ALDH1A2: variants seen among roughly 807,000 people sequenced by gnomAD.
The protein encoded by ALDH1A2 is aldehyde dehydrogenase 1 family member A2.
A neutral mutation model predicts 60.3 loss-of-function variants in ALDH1A2; 27 were observed. The ratio of observed to expected loss-of-function variants is 0.45; its 90% confidence interval spans 0.33 to 0.62. The LOEUF (loss-of-function observed/expected upper bound fraction) is 0.62. Among genes scored for constraint, ALDH1A2 ranks in the 20% least tolerant of loss-of-function variants. ALDH1A2 has a pLI of 0.02. For missense variants in ALDH1A2, 581 were observed against 643.8 expected, an observed-to-expected ratio of 0.90 and a Z score of 1.06; for synonymous variants, 289 against 232.4, an observed-to-expected ratio of 1.24 and a Z score of -2.21.
intron 1 of ALDH1A2, among the ~76,000 whole-genome samples, chr15:58,050,894 A>G (rs562184912): frequency 3.7e-4 from 57 of 152,194 alleles, no homozygotes; most frequent in Non-Finnish European, 7.8e-4. Flanking sequence ...CAAAGCAAAC[A>G]TCTATGCAAG....
intron 12 of ALDH1A2, 82 bp downstream of exon 12, chr15:57,960,688 A>T: frequency 8.2e-7 from 1 of 1,223,558 alleles, no homozygotes; most frequent in Non-Finnish European, 1.2e-6. Context: ...AGTGTAAGAT[A>T]ATTAAACTAT....
intron 1 of ALDH1A2, among the ~76,000 whole-genome samples, chr15:58,017,363 C>T (rs1895816193): frequency 6.6e-6 from 1 of 152,098 alleles, no homozygotes; most frequent in Non-Finnish European, 1.5e-5. Flanking sequence ...CTGGAACAGA[C>T]AGACATTATG....
chr15:58,018,582 A>C (rs1456088841), intron 1 of ALDH1A2, among the ~76,000 whole-genome samples: 1 of 152,180 alleles, frequency 6.6e-6, no homozygotes, highest in African/African-American at 2.4e-5. Context: ...ATTACAAAAG[A>C]AAAAATAGTA....
Position 57,953,600 on chromosome 15 carries a change from C to G in ALDH1A2, c.*1597G>C, listed in dbSNP as rs1470059047. On this transcript the variant is annotated 3_prime_UTR_variant, in exon 13 of 13. Coordinates refer to ENST00000249750, the MANE Select transcript of ALDH1A2 (RefSeq NM_003888.4). Reference sequence around the variant, plus strand: ...AGGGCAGCATTCACATGGAAGCACTCAGAAATACGGCATCTGTCAGGGCTC... The same window carrying G: ...AGGGCAGCATTCACATGGAAGCACTGAGAAATACGGCATCTGTCAGGGCTC... 2.0e-5 allele frequency: 3 copies of G among 152,706 alleles called. No homozygotes were observed. The highest frequency in any genetic ancestry group is 7.2e-5 in the African/African-American group (3 of 41,432). 9.5% of individuals were successfully genotyped at this position (152,706 alleles called of 1,614,324 possible).
At chr15:57,968,863 A>G (rs1343112220) in intron 7 of ALDH1A2, among the ~76,000 whole-genome samples, 7 of 152,236 alleles carry the variant, frequency 4.6e-5, no homozygotes, top group Admixed American at 4.6e-4. Flanking sequence ...TTTCATGGCT[A>G]TGGTAACTAT....
chr15:57,989,854 A>C (rs1160044286), intron 7 of ALDH1A2, among the ~76,000 whole-genome samples: 73 of 152,194 alleles, frequency 4.8e-4, no homozygotes, highest in Non-Finnish European at 2.2e-4. Flanking sequence ...ACAAAACCAT[A>C]AAAGTACTGA....
intron 7 of ALDH1A2, among the ~76,000 whole-genome samples, chr15:57,974,012 ATAGG>A (rs1894156228): frequency 6.6e-6 from 1 of 152,176 alleles, no homozygotes; most frequent in Non-Finnish European, 1.5e-5. Flanking sequence ...GGAAGATTGC[ATAGG>A]TAGTTGTTAA....
intron 1 of ALDH1A2, among the ~76,000 whole-genome samples, chr15:58,059,988 T>A (rs1250651971): frequency 6.6e-6 from 1 of 152,200 alleles, no homozygotes; most frequent in Admixed American, 6.5e-5. Context: ...AATGGTATGA[T>A]CTGAGCTTAT....
chr15:58,018,656 G>T (rs1156447603), intron 1 of ALDH1A2, among the ~76,000 whole-genome samples: 1 of 152,174 alleles, frequency 6.6e-6, no homozygotes, highest in East Asian at 1.9e-4. Context: ...GATGTCACCA[G>T]CAATGGGACA....
intron 7 of ALDH1A2, among the ~76,000 whole-genome samples, chr15:57,972,770 C>T (rs1250578576): frequency 2.0e-5 from 3 of 152,164 alleles, no homozygotes; most frequent in African/African-American, 7.2e-5. Context: ...ATTTTCATGA[C>T]ATTCAAACTG....
chr15:58,020,192 T>C (rs1895888950), intron 1 of ALDH1A2, among the ~76,000 whole-genome samples: 1 of 152,200 alleles, frequency 6.6e-6, no homozygotes, highest in Non-Finnish European at 1.5e-5. Context: ...TATTCCACGG[T>C]GTATATGTAC....
At chr15:58,064,117 T>A (rs1351327970) in intron 1 of ALDH1A2, among the ~76,000 whole-genome samples, 3 of 132,636 alleles carry the variant, frequency 2.3e-5, no homozygotes, top group Non-Finnish European at 5.1e-5. Context: ...ATCTTCCATT[T>A]TAAGACCTTT....
At chr15:57,960,642 AT>A (rs762713198) in intron 12 of ALDH1A2, 127 bp downstream of exon 12, 5 of 781,194 alleles carry the variant, frequency 6.4e-6, no homozygotes, top group Non-Finnish European at 1.1e-5. Context: ...TTATAGTAGC[AT>A]GTGCTCCACG....
intron 7 of ALDH1A2, among the ~76,000 whole-genome samples, chr15:57,985,404 A>C (rs1182266058): frequency 3.9e-5 from 6 of 152,200 alleles, no homozygotes; most frequent in African/African-American, 1.4e-4. Context: ...TCATATTACA[A>C]ACTAACATTT....
chr15:58,045,969 C>T (rs1479015353), intron 1 of ALDH1A2, among the ~76,000 whole-genome samples: 1 of 151,940 alleles, frequency 6.6e-6, no homozygotes, highest in Non-Finnish European at 1.5e-5. Context: ...GTACAATTTC[C>T]TTTTGTCAAT....
chr15:58,047,804 C>G (rs868735046), intron 1 of ALDH1A2, among the ~76,000 whole-genome samples: 3 of 151,812 alleles, frequency 2.0e-5, no homozygotes, highest in African/African-American at 7.3e-5. Context: ...CTTTGCTTCA[C>G]GCCAAAACAT....
chr15:58,010,033 A>G (rs1251880298), intron 4 of ALDH1A2, among the ~76,000 whole-genome samples: 2 of 152,086 alleles, frequency 1.3e-5, no homozygotes, highest in Non-Finnish European at 2.9e-5. Context: ...TAACACTCCT[A>G]TAGGGGCCTT....
intron 7 of ALDH1A2, among the ~76,000 whole-genome samples, chr15:57,969,299 G>A (rs1453533621): frequency 6.6e-6 from 1 of 152,120 alleles, no homozygotes; most frequent in African/African-American, 2.4e-5. Flanking sequence ...TTCAATAAAT[G>A]TGGCTTTGCA....
At chr15:57,989,580 CAG>C (rs1342931289) in intron 7 of ALDH1A2, among the ~76,000 whole-genome samples, 19 of 152,116 alleles carry the variant, frequency 1.2e-4, no homozygotes, top group African/African-American at 4.6e-4. Flanking sequence ...AGCTCTAAAA[CAG>C]AAATTTCCTG....
Sources: gnomAD v4.1 joint callset for allele counts (sites outside exome capture counted in the v4.1 genomes callset) on GRCh38, gnomAD v4.1.1 for gene constraint, MANE v1.5 for transcripts, NCBI Gene and HGNC (gene_info 2026-07-23, HGNC 2026-07-21) for gene names.